Variants in FRAS1 observed in about 807,000 individuals in gnomAD.
The protein encoded by FRAS1 is Fraser extracellular matrix complex subunit 1, also known as extracellular matrix organizing protein FRAS1.
In FRAS1, 290 loss-of-function variants were observed where a neutral mutation model predicts 435.2. The observed-to-expected ratio is 0.67, with a 90% CI of 0.61 to 0.73. The LOEUF (loss-of-function observed/expected upper bound fraction) is 0.73. Among genes scored for constraint, FRAS1 ranks in the 30% least tolerant of loss-of-function variants. FRAS1 has a pLI of 0.00. For missense variants in FRAS1, 4,860 were observed against 5,001.5 expected (o/e 0.97, Z 0.85); for synonymous variants, 1,800 against 1,851.0 (o/e 0.97, Z 0.71).
intron 2 of FRAS1, among the ~76,000 whole-genome samples, chr4:78,143,316 A>G (rs1720268250): frequency 6.6e-6 from 1 of 152,194 alleles, no homozygotes. Context: ...ATACCTAATA[A>G]CATGGCTTTA....
chr4:78,416,908 C>T lies in FRAS1; in HGVS notation c.4426-2041C>T, dbSNP rs10049667. ...AGCAGAGTGGTGGCAGTGGGGTGGG[C>T]GAAACAGTTGGACTCTGGATATATT... On this transcript the variant is annotated intron_variant, in intron 32 of 73. Coordinates refer to ENST00000512123, the MANE Select transcript of FRAS1 (RefSeq NM_025074.7). Among the ~76,000 whole-genome samples the T allele has an allele frequency of 4.9e-4, 74 of 151,706 alleles. 1 individual carries two copies. In the South Asian group the frequency reaches 5.6e-3, roughly 12 times the overall value.
chr4:78,448,940 A>G (rs774305378), intron 44 of FRAS1, among the ~76,000 whole-genome samples: 26 of 152,104 alleles, frequency 1.7e-4, no homozygotes, highest in Non-Finnish European at 3.1e-4. Context: ...ATCTTACTAG[A>G]GTTCTGTTGT....
In FRAS1 at chr4:78,448,201, G is replaced by A; in HGVS notation, c.6159G>A (p.Gln2053=). The A allele has an allele frequency of 1.9e-6, 3 of 1,613,422 alleles. No homozygotes were observed. The highest frequency in any genetic ancestry group is 2.5e-6 in the Non-Finnish European group (3 of 1,179,806). ...CTGGCATGGTCGTGGATGAGTTCCA[G>A]TTCTCCCTCACTGATGGCCTCCACG... is the stretch of plus-strand genomic sequence containing the variant. ...SVPGMVVDEF[Q]FSLTDGLHVD... The change falls in exon 44 of 74, where the codon CAG becomes CAA. Residue 2053 remains glutamine, a synonymous_variant. Coordinates refer to ENST00000512123, the MANE Select transcript of FRAS1 (RefSeq NM_025074.7).
rs1720942660 is a variant in FRAS1, at chr4:78,508,963, A to G, written c.9737A>G (p.Glu3246Gly). ...TDGNGARSPFETITDNTPFTS... is the reference protein window; with the variant it reads ...TDGNGARSPFGTITDNTPFTS... ...GGCAATGGGGCCCGGTCTCCCTTTG[A>G]AACCATCACTGACAACACACCATTC... is the stretch of plus-strand genomic sequence containing the variant. The change falls in exon 63 of 74, where the codon GAA becomes GGA. Residue 3246 changes from glutamate to glycine, a missense_variant. Physicochemically the swap from Glu to Gly is moderately conservative, Grantham distance 98. Coordinates refer to ENST00000512123, the MANE Select transcript of FRAS1 (RefSeq NM_025074.7). The G allele has an allele frequency of 6.2e-7, 1 of 1,613,848 alleles. No homozygotes were observed. Among genetic ancestry groups the G allele is most frequent in the Non-Finnish European group, 8.5e-7 (1 of 1,179,888 alleles).
chr4:78,526,586 A>G lies in FRAS1; in HGVS notation c.10854A>G (p.Thr3618=). The change falls in exon 70 of 74, where the codon ACA becomes ACG. Residue 3618 remains threonine, a synonymous_variant. Transcript: ENST00000512123. ...ACACCATCTACCTGATCCCTTGCAC[A>G]GTGCAGCCCACACAGCCATGGGTTG... ...GEYTIYLIPC[T]VQPTQPWVDP... is the part of the protein sequence containing the mutation. The G allele has an allele frequency of 2.5e-6, 4 of 1,602,480 alleles. No individual in the cohort carries two copies. Among genetic ancestry groups the G allele is most frequent in the Non-Finnish European group, 3.4e-6 (4 of 1,174,982 alleles).
rs1420055531 is a variant in FRAS1 at position 78,065,126 on chromosome 4, C to T, written c.77-859C>T. Reference sequence around the variant, plus strand: ...CTAAATACTACATATGCTATTTATACTATATATTATATATATACTATATAT... The same window carrying T: ...CTAAATACTACATATGCTATTTATATTATATATTATATATATACTATATAT... On this transcript the variant is annotated intron_variant, in intron 1 of 73. Coordinates refer to ENST00000512123, the MANE Select transcript of FRAS1 (RefSeq NM_025074.7). Among the ~76,000 whole-genome samples, 5 of 129,746 alleles carry T rather than the reference C, an allele frequency of 3.9e-5. No individual in the cohort carries two copies. The East Asian group carries it at 9.1e-4, about 24-fold the overall frequency. The allele number at this position is 129,746 out of a possible 152,430, so 85.1% of individuals were successfully genotyped here.
intron 54 of FRAS1, among the ~76,000 whole-genome samples, chr4:78,476,988 T>C (rs1478997566): frequency 1.4e-4 from 3 of 21,990 alleles, no homozygotes; most frequent in Non-Finnish European, 5.4e-4. Context: ...TTCTTTCTTT[T>C]TAAAAAAAAA....
chr4:78,342,770 G>A (rs1730442268), intron 20 of FRAS1, among the ~76,000 whole-genome samples: 1 of 152,120 alleles, frequency 6.6e-6, no homozygotes, highest in African/African-American at 2.4e-5. Flanking sequence ...CTGATGGGAT[G>A]GCTATGTTTT....
intron 32 of FRAS1, among the ~76,000 whole-genome samples, chr4:78,417,065 G>A (rs1172673302): frequency 1.3e-5 from 2 of 152,018 alleles, no homozygotes; most frequent in East Asian, 3.8e-4. Context: ...ATGTTTAATT[G>A]ATAAATATTG....
intron 29 of FRAS1, among the ~76,000 whole-genome samples, chr4:78,396,012 G>A (rs945033153): frequency 1.3e-5 from 2 of 150,940 alleles, no homozygotes. Context: ...TTTATTTTTT[G>A]TGTATCTACT....
At chr4:78,302,900 G>T (rs1361992525) in intron 14 of FRAS1, among the ~76,000 whole-genome samples, 4 of 152,164 alleles carry the variant, frequency 2.6e-5, no homozygotes, top group Middle Eastern at 3.2e-3. Context: ...TGTTGCCATT[G>T]CTTTTGGTGT....
chr4:78,418,325 C>A (rs1733631902), intron 32 of FRAS1, among the ~76,000 whole-genome samples: 1 of 152,168 alleles, frequency 6.6e-6, no homozygotes. Context: ...GGTGGGTTCA[C>A]TTTTAGCCCT....
chr4:78,183,775 T>TGTGTGTGTGTGTGTGTG (rs55783941), intron 2 of FRAS1, among the ~76,000 whole-genome samples: 1 of 150,596 alleles, frequency 6.6e-6, no homozygotes, highest in Non-Finnish European at 1.5e-5. Context: ...TGTGTGTGTG[T>TGTGTGTGTGTGTGTGTG]TTAAATATAT....
intron 57 of FRAS1, 86 bp downstream of exon 57, chr4:78,482,050 C>A: frequency 7.4e-7 from 1 of 1,344,342 alleles, no homozygotes; most frequent in Non-Finnish European, 1.0e-6. Context: ...GCTCTCTAAA[C>A]TCCCCTGGCG....
intron 61 of FRAS1, among the ~76,000 whole-genome samples, chr4:78,506,165 T>C (rs62310270): frequency 0.33 from 49,873 of 151,990 alleles, 8,882 homozygotes; most frequent in South Asian, 0.52. Flanking sequence ...GTCCGTCAGC[T>C]GCCACTGGGA....
chr4:78,182,995 T>C (rs1260788647), intron 2 of FRAS1, among the ~76,000 whole-genome samples: 2 of 151,558 alleles, frequency 1.3e-5, no homozygotes, highest in African/African-American at 4.8e-5. Flanking sequence ...GAACTCAGGC[T>C]GAGAAGAGGT....
At chr4:78,078,797 T>C (rs1740772487) in intron 2 of FRAS1, among the ~76,000 whole-genome samples, 1 of 152,126 alleles carries the variant, frequency 6.6e-6, no homozygotes, top group Non-Finnish European at 1.5e-5. Context: ...CAAACAAATA[T>C]ATTAAGAAGA....
chr4:78,140,441 C>T (rs778447275), intron 2 of FRAS1, among the ~76,000 whole-genome samples: 14 of 152,046 alleles, frequency 9.2e-5, no homozygotes, highest in Non-Finnish European at 1.9e-4. Context: ...TCTAGTTCCT[C>T]CAGGAACTTG....
chr4:78,365,084 G>A (rs185023324), intron 22 of FRAS1, among the ~76,000 whole-genome samples: 4 of 152,176 alleles, frequency 2.6e-5, no homozygotes, highest in Admixed American at 6.5e-5. Flanking sequence ...ATTGATTAAC[G>A]ATTATTTTGT....
Sources: allele counts gnomAD v4.1 joint callset (sites outside exome capture counted in the v4.1 genomes callset), GRCh38; gene constraint gnomAD v4.1.1; transcripts MANE v1.5; gene names NCBI Gene and HGNC (gene_info 2026-07-23, HGNC 2026-07-21).